CHSY3: variants seen among roughly 807,000 people sequenced by gnomAD.
CHSY3 encodes chondroitin sulfate synthase 3, also known as N-acetylgalactosaminyl-proteoglycan 3-beta-glucuronosyltransferase 3.
In CHSY3, 35 loss-of-function variants were observed where a neutral mutation model predicts 67.2. The observed-to-expected ratio is 0.52, with a 90% confidence interval of 0.40 to 0.69. CHSY3 has a LOEUF of 0.69. Ranked by LOEUF, CHSY3 falls within the 30% of genes least tolerant of loss-of-function variation. The pLI is 0.00. For missense variants in CHSY3, 1,069 were observed against 1,138.5 expected (o/e 0.94, Z 0.88); for synonymous variants, 474 against 434.7 (o/e 1.09, Z -1.12).
chr5:130,078,833 C>T (rs1766355749), intron 2 of CHSY3, among the ~76,000 whole-genome samples: 1 of 152,154 alleles, frequency 6.6e-6, no homozygotes, highest in Non-Finnish European at 1.5e-5. Context: ...TGTTGAGAAA[C>T]AGCTGTGCCT....
At chr5:129,963,673 G>A (rs1489666880) in intron 2 of CHSY3, among the ~76,000 whole-genome samples, 1 of 151,894 alleles carries the variant, frequency 6.6e-6, no homozygotes, top group African/African-American at 2.4e-5. Flanking sequence ...ACCTCCTGTT[G>A]GGTGTTATTG....
chr5:130,002,567 T>G (rs1037712104), intron 2 of CHSY3, among the ~76,000 whole-genome samples: 1 of 152,074 alleles, frequency 6.6e-6, no homozygotes, highest in Non-Finnish European at 1.5e-5. Context: ...TACTCAGTCA[T>G]TTTTCAGGCA....
intron 2 of CHSY3, among the ~76,000 whole-genome samples, chr5:130,038,506 A>C (rs1764921239): frequency 6.6e-6 from 1 of 152,126 alleles, no homozygotes; most frequent in Non-Finnish European, 1.5e-5. Flanking sequence ...CAAAAAGAGC[A>C]GGTAATGTAG....
At chr5:130,178,251 A>ATTTTT (rs1298647034) in intron 2 of CHSY3, among the ~76,000 whole-genome samples, 13 of 62,734 alleles carry the variant, frequency 2.1e-4, no homozygotes, top group African/African-American at 6.3e-4. Context: ...ATATATATAT[A>ATTTTT]TATTTTTTTT....
chr5:130,178,263 T>TTC (rs2149736137), intron 2 of CHSY3, among the ~76,000 whole-genome samples: 1 of 122,104 alleles, frequency 8.2e-6, no homozygotes, highest in East Asian at 2.4e-4. Flanking sequence ...ATTTTTTTTT[T>TTC]TTTTTTTCCT....
chr5:129,908,101 G>T lies in CHSY3; in HGVS notation c.827G>T (p.Arg276Ile). 6.2e-7 allele frequency: 1 copy of T among 1,612,956 alleles called. No homozygotes were observed. The highest frequency in any genetic ancestry group is 2.2e-5 in the East Asian group (1 of 44,874). The change falls in exon 2 of 3, where the codon AGA becomes ATA. Residue 276 changes from arginine (R) to isoleucine (I), a missense_variant. This residue lies in a region of CHSY3 where 216 missense variants were observed against 311.5 expected (regional missense o/e 0.69). Coordinates refer to ENST00000305031, the MANE Select transcript of CHSY3 (RefSeq NM_175856.5). ...GGTGATAAATTAGAAGAGTTTCTTA[G>T]ATCGCTAAACAGCAGTAAGCCTCTC... is the stretch of plus-strand genomic sequence containing the variant. ...IKGDKLEEFL[R>I]SLNSSKPLYL...
chr5:130,012,740 A>G (rs1182704871), intron 2 of CHSY3, among the ~76,000 whole-genome samples: 1 of 152,120 alleles, frequency 6.6e-6, no homozygotes, highest in East Asian at 1.9e-4. Flanking sequence ...TGGGAACTGT[A>G]ATTCAAGATG....
At chr5:130,020,461 A>ATATATATATTTTT (rs1371121130) in intron 2 of CHSY3, among the ~76,000 whole-genome samples, 2 of 79,924 alleles carry the variant, frequency 2.5e-5, no homozygotes, top group Non-Finnish European at 4.5e-5. Context: ...ATATATATAT[A>ATATATATATTTTT]TTTTTTTTTT....
chr5:130,173,250 G>C (rs1769947738), intron 2 of CHSY3, among the ~76,000 whole-genome samples: 1 of 151,910 alleles, frequency 6.6e-6, no homozygotes, highest in African/African-American at 2.4e-5. Flanking sequence ...AAGAGAGAGA[G>C]ACAAGAGACA....
At chr5:130,020,916 T>G (rs1764371710) in intron 2 of CHSY3, among the ~76,000 whole-genome samples, 1 of 152,138 alleles carries the variant, frequency 6.6e-6, no homozygotes, top group Non-Finnish European at 1.5e-5. Flanking sequence ...TTACGTGTTT[T>G]TTTCTTCTCA....
intron 2 of CHSY3, among the ~76,000 whole-genome samples, chr5:130,023,879 AG>A (rs1764462214): frequency 6.6e-6 from 1 of 152,000 alleles, no homozygotes; most frequent in South Asian, 2.1e-4. Flanking sequence ...ACAGCATTAT[AG>A]CACATATTAT....
chr5:129,985,827 C>T (rs965896987), intron 2 of CHSY3, among the ~76,000 whole-genome samples: 8 of 151,994 alleles, frequency 5.3e-5, no homozygotes, highest in Non-Finnish European at 1.2e-4. Flanking sequence ...TCAGCTTGGA[C>T]ATTATTGGTA....
chr5:129,991,091 G>A (rs1020886957), intron 2 of CHSY3, among the ~76,000 whole-genome samples: 1 of 152,098 alleles, frequency 6.6e-6, no homozygotes, highest in African/African-American at 2.4e-5. Context: ...AATGAGAAGG[G>A]GTTGGGGAGG....
At chr5:130,017,300 A>G (rs913201600) in intron 2 of CHSY3, among the ~76,000 whole-genome samples, 2 of 152,088 alleles carry the variant, frequency 1.3e-5, no homozygotes, top group Non-Finnish European at 2.9e-5. Flanking sequence ...TAGCAGCTGC[A>G]TGGTGATTGG....
At chr5:129,953,881 C>T (rs1259456755) in intron 2 of CHSY3, among the ~76,000 whole-genome samples, 1 of 151,834 alleles carries the variant, frequency 6.6e-6, no homozygotes, top group Non-Finnish European at 1.5e-5. Context: ...GGATATTAGC[C>T]CTTTGTCAGA....
At chr5:129,985,071 T>C (rs985545431) in intron 2 of CHSY3, among the ~76,000 whole-genome samples, 2 of 152,180 alleles carry the variant, frequency 1.3e-5, no homozygotes, top group Non-Finnish European at 2.9e-5. Flanking sequence ...ATTGCTGTTA[T>C]AGTCTTCATC....
chr5:129,999,627 T>G (rs1175924408), intron 2 of CHSY3, among the ~76,000 whole-genome samples: 3 of 152,166 alleles, frequency 2.0e-5, no homozygotes, highest in African/African-American at 7.2e-5. Flanking sequence ...TTTTGTCCTA[T>G]TCTCTTCCTC....
chr5:130,131,694 G>A (rs1163191411), intron 2 of CHSY3, among the ~76,000 whole-genome samples: 1 of 152,088 alleles, frequency 6.6e-6, no homozygotes, highest in African/African-American at 2.4e-5. Flanking sequence ...AACTATCACA[G>A]GTTGCAGTTC....
chr5:129,922,379 A>C (rs2149583955), intron 2 of CHSY3, among the ~76,000 whole-genome samples: 1 of 152,382 alleles, frequency 6.6e-6, no homozygotes, highest in Admixed American at 6.5e-5. Context: ...AACATGTGGT[A>C]GTTCTATTTT....
Sources: gnomAD v4.1 joint callset for allele counts (sites outside exome capture counted in the v4.1 genomes callset) on GRCh38, gnomAD v4.1.1 for gene constraint, gnomAD v4.1.1 regional missense constraint, MANE v1.5 for transcripts, NCBI Gene and HGNC (gene_info 2026-07-23, HGNC 2026-07-21) for gene names.